Variants in LCMT1 observed in about 807,000 individuals in gnomAD.
The protein encoded by LCMT1 is leucine carboxyl methyltransferase 1.
LCMT1 carries 32 observed loss-of-function variants against 47.7 expected under a neutral mutation model. The observed-to-expected ratio is 0.67, with a 90% CI of 0.51 to 0.90. LCMT1 has a LOEUF of 0.90. Among genes scored for constraint, LCMT1 ranks in the 40% least tolerant of loss-of-function variants. LCMT1 has a pLI of 0.00. For missense variants in LCMT1, 375 were observed against 415.2 expected (o/e 0.90, Z 0.84); for synonymous variants, 152 against 149.7 (o/e 1.02, Z -0.11).
intron 2 of LCMT1, among the ~76,000 whole-genome samples, chr16:25,130,868 G>A (rs180919229): frequency 6.6e-6 from 1 of 152,346 alleles, no homozygotes; most frequent in Non-Finnish European, 1.5e-5. Flanking sequence ...TTGATTGGCA[G>A]CAGCCTGAAT....
chr16:25,170,119 C>G (rs1351091984), intron 8 of LCMT1, among the ~76,000 whole-genome samples: 1 of 152,090 alleles, frequency 6.6e-6, no homozygotes, highest in Non-Finnish European at 1.5e-5. Context: ...ACTTGGGAGA[C>G]TGAGGCAGGA....
chr16:25,174,967 G>A lies in LCMT1; in HGVS notation c.915G>A (p.Met305Ile). The change falls in exon 10 of 11, where the codon ATG becomes ATA. Residue 305 changes from methionine (M) to isoleucine (I), a missense_variant. Physicochemically the swap from Met to Ile is conservative, Grantham distance 10. Transcript: ENST00000399069. ...RIESLEFLDE[M>I]ELLEQLMRHY... is the part of the protein sequence containing the mutation. ...AATCACTTGAATTCCTGGATGAAAT[G>A]GAGCTGCTGGAGCAGCTCATGCGGC... 1 of 1,604,868 alleles carries A rather than the reference G, an allele frequency of 6.2e-7. No individual in the cohort carries two copies. Among genetic ancestry groups the A allele is most frequent in the Non-Finnish European group, 8.5e-7 (1 of 1,173,062 alleles).
At chr16:25,138,740 G>A (rs562123058) in intron 3 of LCMT1, among the ~76,000 whole-genome samples, 2 of 152,158 alleles carry the variant, frequency 1.3e-5, no homozygotes, top group African/African-American at 4.8e-5. Flanking sequence ...TCTTGCCCTG[G>A]CACCTTCTTT....
intron 6 of LCMT1, among the ~76,000 whole-genome samples, chr16:25,161,486 A>G (rs559093789): frequency 6.4e-4 from 97 of 151,878 alleles, no homozygotes; most frequent in Non-Finnish European, 1.0e-3. Context: ...CCTCTTGAGT[A>G]GCTGGGATTA....
intron 4 of LCMT1, 102 bp from the exon 5 acceptor site, chr16:25,151,452 C>A: frequency 1.1e-6 from 1 of 942,462 alleles, no homozygotes; most frequent in Non-Finnish European, 1.7e-6. Context: ...TATATATTTG[C>A]CATTTTGGTA....
intron 5 of LCMT1, among the ~76,000 whole-genome samples, chr16:25,160,363 GAAT>G (rs68005141): frequency 0.99 from 151,439 of 152,338 alleles, 75,280 homozygotes; most frequent in Middle Eastern, 1. Context: ...TGAAGCCTGA[GAAT>G]AATCACTATA....
At position 25,135,284 on chromosome 16, in the gene LCMT1, A is replaced by AATATAT. The variant is rs779986194; in HGVS notation, c.327+2764_327+2769dup. Among the ~76,000 whole-genome samples, 534 of 140,648 alleles carry AATATAT rather than the reference A, an allele frequency of 3.8e-3. 4 individuals are homozygous for AATATAT. The highest frequency in any genetic ancestry group is 7.9e-3 in the African/African-American group (312 of 39,446). The allele number at this position is 140,648 out of a possible 152,430, so 92.3% of individuals were successfully genotyped here. ...TTTTTTGGTCTGAAGTTTCTTTTAAAATATATATCTATATATATATATATA... is the reference window on the plus strand; with the variant it reads ...TTTTTTGGTCTGAAGTTTCTTTTAAAATATATATATATATCTATATATATATATATA... On this transcript the variant is annotated intron_variant, in intron 3 of 10. Transcript: ENST00000399069.
intron 1 of LCMT1, among the ~76,000 whole-genome samples, chr16:25,112,413 A>C (rs1277335310): frequency 6.6e-6 from 1 of 152,222 alleles, no homozygotes; most frequent in African/African-American, 2.4e-5. Flanking sequence ...TGTGCACCTG[A>C]AACTCAGGAT....
chr16:25,157,915 A>C (rs545766892), intron 5 of LCMT1, among the ~76,000 whole-genome samples: 1 of 152,372 alleles, frequency 6.6e-6, no homozygotes, highest in Admixed American at 6.5e-5. Flanking sequence ...CACACTCAGC[A>C]GTTCTTTTTA....
chr16:25,132,247 G>GT, intron 2 of LCMT1, 155 bp from the exon 3 acceptor site: 1 of 853,890 alleles, frequency 1.2e-6, no homozygotes, highest in South Asian at 2.0e-5. Context: ...AAATTTGAAA[G>GT]TTGCTGTTTC....
Position 25,134,032 on chromosome 16 carries a change from T to TAA in LCMT1, c.327+1527_327+1528dup, listed in dbSNP as rs781659291. Reference sequence around the variant, plus strand: ...GGGCGACGAGTGAGACTTCGTCTCTTAAAAAAAAAAAAAAAAAAAGTCCTC... The same window carrying TAA: ...GGGCGACGAGTGAGACTTCGTCTCTTAAAAAAAAAAAAAAAAAAAAAGTCCTC... On this transcript the variant is annotated intron_variant, in intron 3 of 10. Coordinates refer to ENST00000399069, the MANE Select transcript of LCMT1 (RefSeq NM_016309.3). Among the ~76,000 whole-genome samples, 494 of 126,184 alleles carry TAA rather than the reference T, an allele frequency of 3.9e-3. 3 individuals are homozygous for TAA. Among genetic ancestry groups the TAA allele is most frequent in the African/African-American group, 0.014 (468 of 34,308 alleles). 82.8% of individuals were successfully genotyped at this position (126,184 alleles called of 152,430 possible).
rs751848262 is a variant in LCMT1 at position 25,132,453 on chromosome 16, G to T, written c.257G>T (p.Arg86Leu). 12 of 1,613,678 alleles carry T rather than the reference G, an allele frequency of 7.4e-6. No homozygotes were observed. The highest frequency in any genetic ancestry group is 1.7e-5 in the Admixed American group (1 of 59,982). The change falls in exon 3 of 11, where the codon CGG (arginine) becomes CTG (leucine). Residue 86 changes from arginine (R) to leucine (L), a missense_variant. Arg to Leu is a moderately radical substitution (Grantham distance 102). Coordinates refer to ENST00000399069, the MANE Select transcript of LCMT1 (RefSeq NM_016309.3). ...GVSQLIKAFLRKTECHCQIVN... is the reference protein window; with the variant it reads ...GVSQLIKAFLLKTECHCQIVN... Reference sequence around the variant, plus strand: ...AGTCAGCTTATAAAGGCATTTCTACGGAAGACAGAATGTCATTGTCAAATT... The same window carrying T: ...AGTCAGCTTATAAAGGCATTTCTACTGAAGACAGAATGTCATTGTCAAATT...
At chr16:25,113,723 C>G (rs1344272037) in intron 1 of LCMT1, among the ~76,000 whole-genome samples, 1 of 152,220 alleles carries the variant, frequency 6.6e-6, no homozygotes, top group East Asian at 1.9e-4. Flanking sequence ...GTAACTTCCA[C>G]CTGCCGGGTT....
At chr16:25,156,943 T>TC (rs2141691121) in intron 5 of LCMT1, among the ~76,000 whole-genome samples, 1 of 148,030 alleles carries the variant, frequency 6.8e-6, no homozygotes, top group East Asian at 1.9e-4. Context: ...ATTTTACCTT[T>TC]TTTTTTTTTT....
chr16:25,132,638 C>G (rs1443725197), intron 3 of LCMT1, 115 bp downstream of exon 3: 1 of 1,132,346 alleles, frequency 8.8e-7, no homozygotes. Flanking sequence ...GCCTGTCTCC[C>G]ACCCCTGTCC....
chr16:25,119,608 T>G (rs1959905379), intron 1 of LCMT1, among the ~76,000 whole-genome samples: 1 of 152,148 alleles, frequency 6.6e-6, no homozygotes, highest in Non-Finnish European at 1.5e-5. Flanking sequence ...ATTATAGAAC[T>G]TAATCTCATT....
chr16:25,174,439 TAG>T lies in LCMT1; in HGVS notation c.885-493_885-492del, dbSNP rs201880830. Among the ~76,000 whole-genome samples the T allele has an allele frequency of 7.9e-3, 1,204 of 152,348 alleles. 18 individuals carry two copies. The highest frequency in any genetic ancestry group is 0.028 in the African/African-American group (1,161 of 41,578). ...AAATTTGTCTCACTTTTTCTTTACA[TAG>T]AGAGTGGTGTAATATGCACATTACT... On this transcript the variant is annotated intron_variant, in intron 9 of 10. Coordinates refer to ENST00000399069, the MANE Select transcript of LCMT1 (RefSeq NM_016309.3).
chr16:25,145,330 T>C (rs1215762037), intron 4 of LCMT1: 1 of 152,222 alleles, frequency 6.6e-6, no homozygotes, highest in Non-Finnish European at 1.5e-5. Flanking sequence ...GTCATCCACA[T>C]ATTGTAATAA....
intron 1 of LCMT1, among the ~76,000 whole-genome samples, chr16:25,126,445 C>A (rs1960193306): frequency 6.6e-6 from 1 of 152,400 alleles, no homozygotes; most frequent in Admixed American, 6.5e-5. Context: ...CCTGACTCTC[C>A]CATTCTCCAG....
Sources: allele counts gnomAD v4.1 joint callset (sites outside exome capture counted in the v4.1 genomes callset), GRCh38; gene constraint gnomAD v4.1.1; transcripts MANE v1.5; gene names NCBI Gene and HGNC (gene_info 2026-07-23, HGNC 2026-07-21).